The following METTL24 variants were observed in gnomAD, a reference collection of about 807,000 sequenced individuals.
The protein encoded by METTL24 is methyltransferase like 24.
In METTL24, 29 loss-of-function variants were observed where a neutral mutation model predicts 32.7. That is an observed-to-expected ratio of 0.89 (90% CI 0.66 to 1.21). The LOEUF is 1.21. Ranked by LOEUF, METTL24 falls within the 50% of genes most tolerant of loss-of-function variation. The pLI is 0.00. For missense variants in METTL24, 439 were observed against 468.1 expected, an observed-to-expected ratio of 0.94 and a Z score of 0.57; for synonymous variants, 163 against 179.5, an observed-to-expected ratio of 0.91 and a Z score of 0.73.
chr6:110,292,267 T>G (rs1343895446), intron 4 of METTL24, among the ~76,000 whole-genome samples: 1 of 152,244 alleles, frequency 6.6e-6, no homozygotes, highest in Non-Finnish European at 1.5e-5. Context: ...GAAGTAGAAT[T>G]GCTGGATTTG....
chr6:110,252,591 A>G (rs1030931028), intron 4 of METTL24, among the ~76,000 whole-genome samples: 40 of 152,294 alleles, frequency 2.6e-4, no homozygotes, highest in African/African-American at 8.4e-4. Flanking sequence ...GGCAACCACT[A>G]TCTCCATAAG....
chr6:110,289,503 C>A, intron 4 of METTL24, among the ~76,000 whole-genome samples: 1 of 151,258 alleles, frequency 6.6e-6, no homozygotes, highest in East Asian at 1.9e-4. Context: ...GTAAAAATAC[C>A]AATAAATGGT....
chr6:110,277,253 G>A (rs1279783351), intron 4 of METTL24, among the ~76,000 whole-genome samples: 1 of 152,110 alleles, frequency 6.6e-6, no homozygotes, highest in Non-Finnish European at 1.5e-5. Flanking sequence ...TATTTCCAGG[G>A]CAGCCTTTCC....
At chr6:110,261,791 T>C (rs908134385) in intron 4 of METTL24, among the ~76,000 whole-genome samples, 1 of 152,008 alleles carries the variant, frequency 6.6e-6, no homozygotes, top group African/African-American at 2.4e-5. Flanking sequence ...GCAATCAAAC[T>C]AGAACTCAGG....
At position 110,245,663 on chromosome 6, in the gene METTL24, A is replaced by G. The variant is rs991829400; in HGVS notation, c.*283T>C. ...TGGTGAATTCATAGATTATAGATAC[A>G]TAGAGAATTTTAGGGAAAACTGTGA... On this transcript the variant is annotated 3_prime_UTR_variant, in exon 5 of 5. Coordinates refer to ENST00000338882, the MANE Select transcript of METTL24 (RefSeq NM_001123364.3). 1.3e-5 allele frequency among the ~76,000 whole-genome samples: 2 copies of G among 152,214 alleles called. No homozygotes were observed. Among genetic ancestry groups the G allele is most frequent in the Non-Finnish European group, 2.9e-5 (2 of 68,036 alleles).
At chr6:110,272,334 G>C (rs545831550) in intron 4 of METTL24, among the ~76,000 whole-genome samples, 8 of 152,192 alleles carry the variant, frequency 5.3e-5, no homozygotes, top group Non-Finnish European at 1.0e-4. Flanking sequence ...GTATTCCATG[G>C]TGTATACATA....
chr6:110,265,048 C>T (rs1347244713), intron 4 of METTL24, among the ~76,000 whole-genome samples: 1 of 151,348 alleles, frequency 6.6e-6, no homozygotes, highest in Non-Finnish European at 1.5e-5. Context: ...GTGCAGCACA[C>T]CAATATGGCA....
chr6:110,327,853 A>G (rs544523701), intron 1 of METTL24, among the ~76,000 whole-genome samples: 1 of 152,308 alleles, frequency 6.6e-6, no homozygotes, highest in East Asian at 1.9e-4. Flanking sequence ...AATTCCCTAA[A>G]TGCCAGGGTA....
intron 1 of METTL24, among the ~76,000 whole-genome samples, chr6:110,351,654 G>A (rs1441039717): frequency 6.6e-6 from 1 of 152,220 alleles, no homozygotes; most frequent in Non-Finnish European, 1.5e-5. Flanking sequence ...ACTTCTTAGA[G>A]TAACTTAAAG....
chr6:110,357,126 T>TG (rs1772714441), intron 1 of METTL24, among the ~76,000 whole-genome samples: 2 of 152,124 alleles, frequency 1.3e-5, no homozygotes, highest in Admixed American at 1.3e-4. Flanking sequence ...AAGCAGGAGT[T>TG]GATGGGTAAA....
At chr6:110,287,620 C>T (rs1218995116) in intron 4 of METTL24, among the ~76,000 whole-genome samples, 1 of 152,190 alleles carries the variant, frequency 6.6e-6, no homozygotes, top group Non-Finnish European at 1.5e-5. Flanking sequence ...TCTGAAACAT[C>T]AGGAGCTAAG....
intron 1 of METTL24, among the ~76,000 whole-genome samples, chr6:110,340,312 C>T (rs1270132635): frequency 6.6e-6 from 1 of 152,136 alleles, no homozygotes; most frequent in Non-Finnish European, 1.5e-5. Context: ...AGGGTTCAGC[C>T]CAGCCAGCAG....
rs116322126 is a variant in METTL24, at chr6:110,265,458, C to A, written c.787-19198G>T. ...CTTCCTTCTTCTTCAACAACAAAAC[C>A]CTGACTTCTAGCTGACCTCAATGCT... On this transcript the variant is annotated intron_variant, in intron 4 of 4. Coordinates refer to ENST00000338882, the MANE Select transcript of METTL24 (RefSeq NM_001123364.3). Among the ~76,000 whole-genome samples, 729 of 152,246 alleles carry A rather than the reference C, an allele frequency of 4.8e-3. 2 individuals carry two copies. The highest frequency in any genetic ancestry group is 0.017 in the African/African-American group (699 of 41,542).
chr6:110,279,571 ATACATT>A (rs1771104056), intron 4 of METTL24, among the ~76,000 whole-genome samples: 1 of 152,204 alleles, frequency 6.6e-6, no homozygotes, highest in South Asian at 2.1e-4. Context: ...ATAATGTACA[ATACATT>A]TACTCATTAG....
intron 1 of METTL24, among the ~76,000 whole-genome samples, chr6:110,346,518 T>TC (rs1772478657): frequency 6.6e-6 from 1 of 151,180 alleles, no homozygotes; most frequent in Non-Finnish European, 1.5e-5. Context: ...TTTTTTTTTT[T>TC]TGAGATGGAG....
chr6:110,316,463 T>A (rs749938531), intron 2 of METTL24, among the ~76,000 whole-genome samples: 3 of 152,228 alleles, frequency 2.0e-5, no homozygotes, highest in African/African-American at 7.2e-5. Flanking sequence ...ACTCTCATAG[T>A]CATCATGATG....
chr6:110,246,190 A>C lies in METTL24; in HGVS notation c.857T>G (p.Val286Gly). Residue 286 changes from valine to glycine, a missense_variant, in exon 5 of 5, where the codon GTT becomes GGT. Physicochemically the swap from Val to Gly is moderately radical, Grantham distance 109 (BLOSUM62 -3). Coordinates refer to ENST00000338882, the MANE Select transcript of METTL24 (RefSeq NM_001123364.3). The stretch of plus-strand genomic sequence containing the variant: ...GATGAGCTGTCCAATCTGCTCAAGA[A>C]CATCTTCCAGAATAAGATTTTCCAA... ...KVLENLILED[V>G]LEQIGQLIFE... 2.5e-6 allele frequency: 4 copies of C among 1,614,134 alleles called. No individual in the cohort carries two copies. Among genetic ancestry groups the C allele is most frequent in the Non-Finnish European group, 3.4e-6 (4 of 1,180,012 alleles).
chr6:110,345,831 C>T (rs2092739), intron 1 of METTL24, among the ~76,000 whole-genome samples: 135,762 of 152,236 alleles, frequency 0.89, 60,694 homozygotes, highest in African/African-American at 0.91. Context: ...CTATTCAGTA[C>T]CAGGCTTAGT....
At chr6:110,282,690 C>G (rs1771159191) in intron 4 of METTL24, among the ~76,000 whole-genome samples, 1 of 151,032 alleles carries the variant, frequency 6.6e-6, no homozygotes, top group Admixed American at 6.6e-5. Flanking sequence ...GTGCCAATAC[C>G]AAGACCAGAG....
Sources: allele counts gnomAD v4.1 joint callset (sites outside exome capture counted in the v4.1 genomes callset), GRCh38; gene constraint gnomAD v4.1.1; transcripts MANE v1.5; gene names NCBI Gene and HGNC (gene_info 2026-07-23, HGNC 2026-07-21).